Variants in KCNQ1OT1 observed in about 807,000 individuals in gnomAD.
KCNQ1OT1 encodes KCNQ1 antisense RNA 2 (non-protein coding).
Position 2,677,115 on chromosome 11 carries a change from T to C in KCNQ1OT1, n.22880A>G. On this transcript the variant is annotated non_coding_transcript_exon_variant, in exon 1 of 1. Coordinates refer to ENST00000597346, the Ensembl canonical transcript of KCNQ1OT1. This position sits in a 1 kb window ranked among gnomAD's most constrained non-coding sequence, Gnocchi z 4.5. ...CTGAAATGACCACTTATGAAATTAG[T>C]TTCCCTGAAACATCCCTCCCTATTG... is the stretch of plus-strand genomic sequence containing the variant. The C allele has an allele frequency of 2.5e-6, 1 of 398,632 alleles. No individual in the cohort carries two copies. The highest frequency in any genetic ancestry group is 1.3e-4 in the South Asian group (1 of 7,862). 24.7% of individuals were successfully genotyped at this position (398,632 alleles called of 1,614,324 possible).
Position 2,651,351 on chromosome 11 carries a change from G to A in KCNQ1OT1, n.48644C>T. On this transcript the variant is annotated non_coding_transcript_exon_variant, in exon 1 of 1. Transcript: ENST00000597346. The surrounding 1 kb of genome is among the most constrained non-coding windows in gnomAD (Gnocchi z 6.1). ...GTTCTACAAGCGGCTGAGAGAGCTG[G>A]GGTATTTATCTTTCACTAGTGAGTG... 1 of 398,702 alleles carries A rather than the reference G, an allele frequency of 2.5e-6. No individual in the cohort carries two copies. The highest frequency in any genetic ancestry group is 4.4e-6 in the Non-Finnish European group (1 of 226,138). 24.7% of individuals were successfully genotyped at this position (398,702 alleles called of 1,614,324 possible).
exon 1 of KCNQ1OT1, chr11:2,685,191 G>A (rs983014388): frequency 2.8e-5 from 11 of 398,510 alleles, no homozygotes; most frequent in African/African-American, 8.2e-5. Context: ...TGCCCCCTTC[G>A]TGGGGATGGC....
exon 1 of KCNQ1OT1, chr11:2,666,611 C>T (rs556547257): frequency 7.5e-5 from 30 of 398,662 alleles, no homozygotes; most frequent in African/African-American, 4.5e-4. Context: ...TAAGGGCAAA[C>T]GTCACAAGGG....
At chr11:2,639,291 T>G (rs1293265857) in exon 1 of KCNQ1OT1, 1 of 152,274 alleles carries the variant, frequency 6.6e-6, no homozygotes, top group Non-Finnish European at 1.5e-5. Context: ...AGAGGTGCTC[T>G]GAGTTTTAGA....
At chr11:2,665,556 C>A (rs2133861436) in exon 1 of KCNQ1OT1, 1 of 395,008 alleles carries the variant, frequency 2.5e-6, no homozygotes, top group East Asian at 3.6e-5. Flanking sequence ...CTGCAGCCAC[C>A]AGATTTCCAT....
In KCNQ1OT1 at chr11:2,661,120, G is replaced by A. The variant is rs555535189; in HGVS notation, n.38875C>T. 2.0e-5 allele frequency: 8 copies of A among 398,522 alleles called. No individual in the cohort carries two copies. The highest frequency in any genetic ancestry group is 2.5e-4 in the South Asian group (2 of 7,846). The allele number at this position is 398,522 out of a possible 1,614,324, so 24.7% of individuals were successfully genotyped here. ...AACTCCCACCTGGCATCTGCTGCTC[G>A]GATGAGCAGAGAGGGTGGGCTAGGG... is the stretch of plus-strand genomic sequence containing the variant. On this transcript the variant is annotated non_coding_transcript_exon_variant, in exon 1 of 1. Coordinates refer to ENST00000597346, the Ensembl canonical transcript of KCNQ1OT1. The surrounding 1 kb of genome is among the most constrained non-coding windows in gnomAD (Gnocchi z 5.9).
At chr11:2,629,679 G>T in exon 1 of KCNQ1OT1, 1 of 398,448 alleles carries the variant, frequency 2.5e-6, no homozygotes, top group South Asian at 1.3e-4. Context: ...TATTCTTTTT[G>T]ATGCTATTTT....
chr11:2,668,298 T>G lies in KCNQ1OT1; in HGVS notation n.31697A>C, dbSNP rs1850119635. On this transcript the variant is annotated non_coding_transcript_exon_variant, in exon 1 of 1. Coordinates refer to ENST00000597346, the Ensembl canonical transcript of KCNQ1OT1. The surrounding 1 kb of genome is among the most constrained non-coding windows in gnomAD (Gnocchi z 4.3). ...GTACATGCTTTTGGTGAGCATCAGGTTGCGTTTCTGGGGAATATATGCCTA... is the reference window on the plus strand; with the variant it reads ...GTACATGCTTTTGGTGAGCATCAGGGTGCGTTTCTGGGGAATATATGCCTA... The G allele has an allele frequency of 5.0e-6, 2 of 398,622 alleles. No individual in the cohort carries two copies. The highest frequency in any genetic ancestry group is 7.1e-5 in the East Asian group (2 of 28,072). 24.7% of individuals were successfully genotyped at this position (398,622 alleles called of 1,614,324 possible).
chr11:2,667,435 T>C, exon 1 of KCNQ1OT1: 1 of 398,766 alleles, frequency 2.5e-6, no homozygotes, highest in Non-Finnish European at 4.4e-6. Flanking sequence ...CCAGCCATGA[T>C]GCTGCTCAGG....
exon 1 of KCNQ1OT1, chr11:2,638,227 CT>C (rs1211986248): frequency 1.3e-5 from 2 of 152,152 alleles, no homozygotes. Flanking sequence ...ATGATGTTAG[CT>C]GGTTATTTTG....
At position 2,626,082 on chromosome 11, in the gene KCNQ1OT1, A is replaced by G; in HGVS notation, n.73913T>C. On this transcript the variant is annotated non_coding_transcript_exon_variant, in exon 1 of 1. Coordinates refer to ENST00000597346, the Ensembl canonical transcript of KCNQ1OT1. The surrounding 1 kb of genome is among the most constrained non-coding windows in gnomAD (Gnocchi z 4.0). ...TACTTTTATTGCCTGTGCAAGTACAATTTATCTATTTTTACTTTTATTGCC... is the reference window on the plus strand; with the variant it reads ...TACTTTTATTGCCTGTGCAAGTACAGTTTATCTATTTTTACTTTTATTGCC... 1 of 398,562 alleles carries G rather than the reference A, an allele frequency of 2.5e-6. No individual in the cohort carries two copies. Among genetic ancestry groups the G allele is most frequent in the Middle Eastern group, 6.3e-4 (1 of 1,588 alleles). The allele number at this position is 398,562 out of a possible 1,614,324, so 24.7% of individuals were successfully genotyped here. A position where few individuals can be genotyped will look rare whatever the true frequency, so the allele number is the denominator to read the frequency against.
exon 1 of KCNQ1OT1, chr11:2,656,096 T>G: frequency 2.5e-6 from 1 of 398,652 alleles, no homozygotes; most frequent in Non-Finnish European, 4.4e-6. Flanking sequence ...CATGGGTGTT[T>G]GGAAAGCAAC....
In KCNQ1OT1 at chr11:2,661,868, C is replaced by T; in HGVS notation, n.38127G>A. The T allele has an allele frequency of 2.0e-6, 3 of 1,528,212 alleles. No individual in the cohort carries two copies. The highest frequency in any genetic ancestry group is 2.7e-6 in the Non-Finnish European group (3 of 1,104,178). The allele number at this position is 1,528,212 out of a possible 1,614,324, so 94.7% of individuals were successfully genotyped here. A position where few individuals can be genotyped will look rare whatever the true frequency, so the allele number is the denominator to read the frequency against. ...GAGCTTCCAGGCACAAGCTCCACTC[C>T]TCACCTGGCCCTGGGAGCTCACAGG... On this transcript the variant is annotated non_coding_transcript_exon_variant, in exon 1 of 1. Coordinates refer to ENST00000597346, the Ensembl canonical transcript of KCNQ1OT1. This position sits in a 1 kb window ranked among gnomAD's most constrained non-coding sequence, Gnocchi z 5.9.
Position 2,654,456 on chromosome 11 carries a change from C to T in KCNQ1OT1, n.45539G>A. The T allele has an allele frequency of 2.5e-6, 1 of 398,612 alleles. No homozygotes were observed. Among genetic ancestry groups the T allele is most frequent in the Non-Finnish European group, 4.4e-6 (1 of 226,162 alleles). The allele number at this position is 398,612 out of a possible 1,614,324, so 24.7% of individuals were successfully genotyped here. ...GAAGGCAAGGTTCCCGTGCTGAGCG[C>T]CAGGCACACATAAGCCCTGCAGCCG... On this transcript the variant is annotated non_coding_transcript_exon_variant, in exon 1 of 1. Transcript: ENST00000597346. This position sits in a 1 kb window ranked among gnomAD's most constrained non-coding sequence, Gnocchi z 6.4.
chr11:2,683,329 G>A lies in KCNQ1OT1; in HGVS notation n.16666C>T, dbSNP rs907726229. On this transcript the variant is annotated non_coding_transcript_exon_variant, in exon 1 of 1. Coordinates refer to ENST00000597346, the Ensembl canonical transcript of KCNQ1OT1. This position sits in a 1 kb window ranked among gnomAD's most constrained non-coding sequence, Gnocchi z 4.7. ...GACACATAGAGGCCAGGTTTCCCCC[G>A]CTCAACACTAGGCCACTGTGCCTGC... The A allele has an allele frequency of 1.5e-5, 6 of 398,406 alleles. No individual in the cohort carries two copies. The highest frequency in any genetic ancestry group is 4.1e-5 in the African/African-American group (2 of 48,548). The allele number at this position is 398,406 out of a possible 1,614,324, so 24.7% of individuals were successfully genotyped here.
exon 1 of KCNQ1OT1, chr11:2,649,564 A>C (rs1490335206): frequency 5.0e-6 from 2 of 398,388 alleles, no homozygotes; most frequent in Non-Finnish European, 8.8e-6. Context: ...TTTGCTGGGT[A>C]TAGTATTTGT....
chr11:2,638,192 T>C (rs1849509103), exon 1 of KCNQ1OT1: 1 of 152,234 alleles, frequency 6.6e-6, no homozygotes, highest in South Asian at 2.1e-4. Context: ...AAGGTTAATA[T>C]TGTTATGTGT....
In KCNQ1OT1 at chr11:2,682,255, C is replaced by T. The variant is rs1287401621; in HGVS notation, n.17740G>A. 7.5e-6 allele frequency: 3 copies of T among 398,490 alleles called. No individual in the cohort carries two copies. Among genetic ancestry groups the T allele is most frequent in the Non-Finnish European group, 1.3e-5 (3 of 226,076 alleles). The allele number at this position is 398,490 out of a possible 1,614,324, so 24.7% of individuals were successfully genotyped here. On this transcript the variant is annotated non_coding_transcript_exon_variant, in exon 1 of 1. Transcript: ENST00000597346. The surrounding 1 kb of genome is among the most constrained non-coding windows in gnomAD (Gnocchi z 5.8). ...TGAAATGTCCCTTCCTCAGAGGAGC[C>T]AATTTCTAAAGCTTAAGACTGGGCT...
exon 1 of KCNQ1OT1, chr11:2,662,304 T>C (rs1849974336): frequency 5.0e-6 from 3 of 601,818 alleles, no homozygotes; most frequent in South Asian, 2.0e-5. Flanking sequence ...TGTTTTGACT[T>C]ATGGAAAACC....
Sources: allele counts gnomAD v4.1 joint callset, GRCh38; gene constraint gnomAD v4.1.1; non-coding constraint Gnocchi (gnomAD v3.1); transcripts MANE v1.5; gene names NCBI Gene and HGNC (gene_info 2026-07-23, HGNC 2026-07-21).